SLC6A11: variants seen among roughly 807,000 people sequenced by gnomAD.
SLC6A11 encodes solute carrier family 6 member 11, also known as sodium- and chloride-dependent GABA transporter 3.
Under a neutral mutation model 74.8 loss-of-function variants are expected in SLC6A11, and 25 were observed. The ratio of observed to expected loss-of-function variants is 0.33; its 90% confidence interval spans 0.24 to 0.47. SLC6A11 has a LOEUF of 0.47. Ranked by LOEUF, SLC6A11 falls within the 20% of genes least tolerant of loss-of-function variation. SLC6A11 has a pLI of 1.00. For synonymous variants in SLC6A11, 330 were observed against 330.2 expected, an observed-to-expected ratio of 1.00 and a Z score of 0.01; for missense variants, 574 against 837.0, an observed-to-expected ratio of 0.69 and a Z score of 3.88.
chr3:10,864,405 G>A (rs146683184), intron 5 of SLC6A11, among the ~76,000 whole-genome samples: 120 of 151,706 alleles, frequency 7.9e-4, no homozygotes, highest in Admixed American at 1.3e-3. Context: ...CAGTAACTGC[G>A]CGTGAGCCCC....
At chr3:10,937,457 C>G (rs533389368) in intron 13 of SLC6A11, among the ~76,000 whole-genome samples, 2 of 152,352 alleles carry the variant, frequency 1.3e-5, no homozygotes, top group East Asian at 3.9e-4. Flanking sequence ...AACATGGAAC[C>G]TCGATCCTGA....
At chr3:10,880,215 A>G (rs906867512) in intron 6 of SLC6A11, among the ~76,000 whole-genome samples, 13 of 152,238 alleles carry the variant, frequency 8.5e-5, no homozygotes, top group African/African-American at 3.1e-4. Flanking sequence ...TCAGGAAGTC[A>G]GTGAAAGTTT....
chr3:10,835,324 G>C (rs891272623), intron 4 of SLC6A11, among the ~76,000 whole-genome samples: 14 of 152,342 alleles, frequency 9.2e-5, no homozygotes, highest in African/African-American at 3.4e-4. Context: ...CCAGCCATGG[G>C]GTGGGGGAGG....
intron 6 of SLC6A11, among the ~76,000 whole-genome samples, chr3:10,890,090 G>A (rs746311874): frequency 5.9e-5 from 9 of 151,952 alleles, no homozygotes; most frequent in Admixed American, 1.3e-4. Flanking sequence ...TCCCATGCTC[G>A]ATGCCCATCT....
intron 8 of SLC6A11, among the ~76,000 whole-genome samples, chr3:10,923,133 A>G (rs1430853510): frequency 6.6e-6 from 1 of 152,116 alleles, no homozygotes; most frequent in African/African-American, 2.4e-5. Flanking sequence ...ATATGCATGG[A>G]TAAATATACA....
intron 6 of SLC6A11, among the ~76,000 whole-genome samples, chr3:10,905,387 T>C (rs1313660592): frequency 6.6e-6 from 1 of 152,254 alleles, no homozygotes; most frequent in Non-Finnish European, 1.5e-5. Flanking sequence ...CCTCAGAGGC[T>C]GTGCTGGAAG....
chr3:10,913,876 G>T (rs1163994261), intron 7 of SLC6A11, among the ~76,000 whole-genome samples: 1 of 152,108 alleles, frequency 6.6e-6, no homozygotes, highest in Non-Finnish European at 1.5e-5. Flanking sequence ...TGTATTTTTA[G>T]TAGAGACGGG....
chr3:10,927,977 A>G (rs9878482), intron 9 of SLC6A11, among the ~76,000 whole-genome samples: 42,122 of 152,016 alleles, frequency 0.28, 7,298 homozygotes, highest in East Asian at 0.51. Context: ...GAGCAAGATC[A>G]CCTCGTTCAA....
chr3:10,930,447 A>G (rs559724318), intron 10 of SLC6A11, among the ~76,000 whole-genome samples: 108 of 152,288 alleles, frequency 7.1e-4, no homozygotes, highest in Non-Finnish European at 1.2e-3. Flanking sequence ...GGCTGGCATC[A>G]TTACCTCGCC....
intron 10 of SLC6A11, among the ~76,000 whole-genome samples, chr3:10,929,864 T>C (rs1695662387): frequency 6.6e-6 from 1 of 152,172 alleles, no homozygotes; most frequent in African/African-American, 2.4e-5. Context: ...GGAGAGGTTC[T>C]CCATGACCTC....
intron 4 of SLC6A11, chr3:10,823,611 C>T (rs1380349142): frequency 3.9e-6 from 2 of 512,326 alleles, no homozygotes; most frequent in African/African-American, 1.9e-5. Context: ...TCTTTGATAA[C>T]ATGTCAGCAT....
chr3:10,926,745 T>C lies in SLC6A11; in HGVS notation c.1233+629T>C, dbSNP rs964167116. 6.6e-6 allele frequency among the ~76,000 whole-genome samples: 1 copy of C among 152,140 alleles called. No individual in the cohort carries two copies. The highest frequency in any genetic ancestry group is 1.5e-5 in the Non-Finnish European group (1 of 68,018). ...CACCCATGCACTCGGTTTCCCTTTG[T>C]TGCCACACAGCACGCAGGCGCTCGC... On this transcript the variant is annotated intron_variant, in intron 9 of 13. Transcript: ENST00000254488. This position sits in a 1 kb window ranked among gnomAD's most constrained non-coding sequence, Gnocchi z 5.7.
chr3:10,873,548 T>TCCTAC lies in SLC6A11; in HGVS notation c.757-1382_757-1378dup, dbSNP rs1178459471. Among the ~76,000 whole-genome samples the TCCTAC allele has an allele frequency of 3.3e-3, 466 of 139,370 alleles. 5 individuals carry two copies. Among genetic ancestry groups the TCCTAC allele is most frequent in the Middle Eastern group, 0.011 (3 of 266 alleles). 91.4% of individuals were successfully genotyped at this position (139,370 alleles called of 152,430 possible). A position where few individuals can be genotyped will look rare whatever the true frequency, so the allele number is the denominator to read the frequency against. On this transcript the variant is annotated intron_variant, in intron 5 of 13. Transcript: ENST00000254488. ...TCCTATCCTGTCCTATCCTATCCTATCCTACCCTACCCTACCCTACCCTAC... is the reference window on the plus strand; with the variant it reads ...TCCTATCCTGTCCTATCCTATCCTATCCTACCCTACCCTACCCTACCCTACCCTAC...
At chr3:10,923,248 A>AT (rs981721258) in intron 8 of SLC6A11, among the ~76,000 whole-genome samples, 1 of 125,018 alleles carries the variant, frequency 8.0e-6, no homozygotes, top group African/African-American at 2.8e-5. Context: ...CTATTCTTCA[A>AT]TTAAAAAAAA....
intron 5 of SLC6A11, among the ~76,000 whole-genome samples, chr3:10,853,005 G>A (rs1306213766): frequency 6.6e-6 from 1 of 152,196 alleles, no homozygotes; most frequent in Admixed American, 6.5e-5. Flanking sequence ...AACTGTGTGA[G>A]TTAGCGTGGG....
At chr3:10,827,617 G>C (rs781118505) in intron 4 of SLC6A11, among the ~76,000 whole-genome samples, 1 of 152,172 alleles carries the variant, frequency 6.6e-6, no homozygotes, top group African/African-American at 2.4e-5. Flanking sequence ...TGCCTAGGCT[G>C]TCTGCTATTA....
intron 4 of SLC6A11, among the ~76,000 whole-genome samples, chr3:10,833,983 C>A (rs1283449731): frequency 6.6e-6 from 1 of 152,224 alleles, no homozygotes; most frequent in Non-Finnish European, 1.5e-5. Flanking sequence ...AAGGAAGTCA[C>A]ATTTGGTTAC....
In SLC6A11 at chr3:10,934,079, C is replaced by T. The variant is rs978349656; in HGVS notation, c.1488C>T (p.Phe496=). The T allele has an allele frequency of 6.2e-7, 1 of 1,613,036 alleles. No individual in the cohort carries two copies. Among genetic ancestry groups the T allele is most frequent in the Non-Finnish European group, 8.5e-7 (1 of 1,179,130 alleles). Residue 496 remains phenylalanine (F), a synonymous_variant, in exon 12 of 14, where the codon TTC becomes TTT. Transcript: ENST00000254488. ...CIGWVYGSNR[F]YDNIEDMIGY... ...TATTCCGGACAGGAAGCAACCGGTT[C>T]TATGATAACATTGAAGACATGATTG...
chr3:10,935,963 C>G (rs554196819), intron 13 of SLC6A11, among the ~76,000 whole-genome samples: 1 of 152,266 alleles, frequency 6.6e-6, no homozygotes, highest in South Asian at 2.1e-4. Flanking sequence ...GATTTGCCTA[C>G]CCTGGATGTT....
Sources: allele counts gnomAD v4.1 joint callset (sites outside exome capture counted in the v4.1 genomes callset), GRCh38; gene constraint gnomAD v4.1.1; non-coding constraint Gnocchi (gnomAD v3.1); transcripts MANE v1.5; gene names NCBI Gene and HGNC (gene_info 2026-07-23, HGNC 2026-07-21).